Variants in ATOSB observed in about 807,000 individuals in gnomAD.
The protein encoded by ATOSB is atos homolog B.
the ATOSB span, chr9:35,106,387 A>G: frequency 6.2e-7 from 1 of 1,614,218 alleles, no homozygotes; most frequent in Non-Finnish European, 8.5e-7. The surrounding 1 kb of genome is among the most constrained non-coding windows in gnomAD (Gnocchi z 4.6). Flanking sequence ...CAGATGGTGC[A>G]AAACGTCCTC....
chr9:35,106,254 G>A, the ATOSB span: 5 of 1,613,474 alleles, frequency 3.1e-6, no homozygotes, highest in Non-Finnish European at 4.2e-6. This position sits in a 1 kb window ranked among gnomAD's most constrained non-coding sequence, Gnocchi z 4.6. Flanking sequence ...AGGCATACCA[G>A]GAAGGGAGCC....
chr9:35,105,681 C>T, the ATOSB span: 2 of 1,613,400 alleles, frequency 1.2e-6, no homozygotes, highest in African/African-American at 1.3e-5. The surrounding 1 kb of genome is among the most constrained non-coding windows in gnomAD (Gnocchi z 5.5). Flanking sequence ...CCTCTCCTCA[C>T]CTGAGGTGCA....
the ATOSB span, among the ~76,000 whole-genome samples, chr9:35,114,038 G>A: frequency 1.3e-5 from 2 of 152,176 alleles, no homozygotes; most frequent in African/African-American, 4.8e-5. Flanking sequence ...AATGACTGCT[G>A]AGGGCCTCTG....
chr9:35,106,099 AACCTGCCCCTGCCCT>A, the ATOSB span: 21 of 1,517,282 alleles, frequency 1.4e-5, no homozygotes, highest in African/African-American at 2.6e-4. This position sits in a 1 kb window ranked among gnomAD's most constrained non-coding sequence, Gnocchi z 4.6. Flanking sequence ...TCTCACCCTG[AACCTGCCCCTGCCCT>A]ACAGTAGAGT....
chr9:35,106,188 T>C, the ATOSB span: 25 of 1,604,070 alleles, frequency 1.6e-5, no homozygotes, highest in African/African-American at 2.4e-4. The surrounding 1 kb of genome is among the most constrained non-coding windows in gnomAD (Gnocchi z 4.6). Context: ...TCTTGCCCCC[T>C]GGCCCCGCCC....
the ATOSB span, chr9:35,107,319 CAAAAAA>C: frequency 4.9e-4 from 573 of 1,159,930 alleles, no homozygotes; most frequent in African/African-American, 1.8e-3. Context: ...GATCCCATCT[CAAAAAA>C]AAAAAAAAAA....
chr9:35,106,087 G>T, the ATOSB span: 1 of 1,530,248 alleles, frequency 6.5e-7, no homozygotes, highest in Non-Finnish European at 8.9e-7. The surrounding 1 kb of genome is among the most constrained non-coding windows in gnomAD (Gnocchi z 4.6). Context: ...CTCTCCACAA[G>T]CTCTCACCCT....
At chr9:35,116,223 AGCCCCTCCTCCTTCC>A in the ATOSB span, 1 of 151,952 alleles carries the variant, frequency 6.6e-6, no homozygotes, top group Non-Finnish European at 1.5e-5. Context: ...CCCATCTCAG[AGCCCCTCCTCCTTCC>A]GCCCCTTCTC....
chr9:35,104,974 T>C, the ATOSB span: 1 of 370,096 alleles, frequency 2.7e-6, no homozygotes, highest in Admixed American at 4.5e-5. Flanking sequence ...GTAGCTCCAG[T>C]TCCTCCCTAC....
At chr9:35,113,288 G>A in the ATOSB span, among the ~76,000 whole-genome samples, 1 of 152,182 alleles carries the variant, frequency 6.6e-6, no homozygotes, top group Non-Finnish European at 1.5e-5. Flanking sequence ...GATCAAAGAT[G>A]TTCCAGGCCT....
the ATOSB span, chr9:35,106,317 C>T: frequency 1.4e-5 from 22 of 1,614,078 alleles, no homozygotes; most frequent in East Asian, 6.7e-5. The surrounding 1 kb of genome is among the most constrained non-coding windows in gnomAD (Gnocchi z 4.6). Context: ...GGCAGCGTGA[C>T]GTGCTGGGGG....
At chr9:35,111,262 C>T in the ATOSB span, 6 of 153,474 alleles carry the variant, frequency 3.9e-5, no homozygotes, top group African/African-American at 1.4e-4. Flanking sequence ...CCCTCTAGCA[C>T]ACTCACCCCG....
At chr9:35,107,954 C>T in the ATOSB span, 29 of 1,605,104 alleles carry the variant, frequency 1.8e-5, no homozygotes, top group Admixed American at 2.9e-4. Flanking sequence ...GTCCCAGCCC[C>T]GGTCCCTCTG....
the ATOSB span, among the ~76,000 whole-genome samples, chr9:35,115,482 G>A: frequency 2.0e-5 from 3 of 151,760 alleles, no homozygotes; most frequent in South Asian, 4.2e-4. Context: ...CAGACCCTCC[G>A]ACACCGCTAC....
At chr9:35,106,876 C>T in the ATOSB span, 49 of 1,571,052 alleles carry the variant, frequency 3.1e-5, no homozygotes, top group African/African-American at 2.6e-4. The surrounding 1 kb of genome is among the most constrained non-coding windows in gnomAD (Gnocchi z 4.6). Flanking sequence ...CCCATGGGAC[C>T]GCAGTCTGTT....
At chr9:35,115,940 A>C in the ATOSB span, 1 of 134,382 alleles carries the variant, frequency 7.4e-6, no homozygotes, top group African/African-American at 2.9e-5. Context: ...GCCCGGGCCC[A>C]CCCTCTCCCT....
the ATOSB span, chr9:35,109,696 C>T: frequency 2.0e-5 from 3 of 152,242 alleles, no homozygotes; most frequent in Non-Finnish European, 2.9e-5. Context: ...CAAATGCCAT[C>T]TCCTCCAGAA....
the ATOSB span, chr9:35,105,792 C>T: frequency 1.9e-6 from 3 of 1,614,012 alleles, no homozygotes; most frequent in Non-Finnish European, 2.5e-6. This position sits in a 1 kb window ranked among gnomAD's most constrained non-coding sequence, Gnocchi z 5.5. Flanking sequence ...GGGCAGCAGG[C>T]ATGTCCGAGA....
At chr9:35,115,163 C>G in the ATOSB span, among the ~76,000 whole-genome samples, 1 of 152,066 alleles carries the variant, frequency 6.6e-6, no homozygotes, top group African/African-American at 2.4e-5. Flanking sequence ...AGGGAAGAAA[C>G]CCCAGTCTCA....
Sources: gnomAD v4.1 joint callset for allele counts (sites outside exome capture counted in the v4.1 genomes callset) on GRCh38, gnomAD v4.1.1 for gene constraint, Gnocchi (gnomAD v3.1) non-coding constraint, MANE v1.5 for transcripts, NCBI Gene and HGNC (gene_info 2026-07-23, HGNC 2026-07-21) for gene names.